INPP5F: variants seen among roughly 807,000 people sequenced by gnomAD.
The protein encoded by INPP5F is phosphatidylinositide 4-phosphatase SAC2.
INPP5F carries 97 observed loss-of-function variants against 137.2 expected under a neutral mutation model. The observed-to-expected ratio is 0.71, with a 90% CI of 0.60 to 0.84. The LOEUF (loss-of-function observed/expected upper bound fraction) is 0.84. Among genes scored for constraint, INPP5F ranks in the 40% least tolerant of loss-of-function variants. INPP5F has a pLI of 0.00. For missense variants in INPP5F, 1,271 were observed against 1,371.9 expected, an observed-to-expected ratio of 0.93 and a Z score of 1.16; for synonymous variants, 504 against 476.9, an observed-to-expected ratio of 1.06 and a Z score of -0.74.
At chr10:119,750,007 G>A (rs1184273848) in intron 1 of INPP5F, among the ~76,000 whole-genome samples, 1 of 152,080 alleles carries the variant, frequency 6.6e-6, no homozygotes, top group Non-Finnish European at 1.5e-5. Context: ...GACCTCAGGC[G>A]ATCTACCCTC....
At chr10:119,776,660 C>G (rs1460787665) in intron 2 of INPP5F, among the ~76,000 whole-genome samples, 1 of 151,012 alleles carries the variant, frequency 6.6e-6, no homozygotes, top group Non-Finnish European at 1.5e-5. Flanking sequence ...AAGGGCCTTC[C>G]TCTGTGTGTG....
At chr10:119,796,942 A>G (rs771638410) in intron 7 of INPP5F, 29 bp downstream of exon 7, 47 of 1,577,928 alleles carry the variant, frequency 3.0e-5, no homozygotes, top group Non-Finnish European at 3.7e-5. Flanking sequence ...TAGCATTCAA[A>G]TCAAATCCAG....
intron 16 of INPP5F, among the ~76,000 whole-genome samples, chr10:119,821,765 C>T (rs1311854871): frequency 2.6e-5 from 4 of 151,620 alleles, no homozygotes; most frequent in Non-Finnish European, 5.9e-5. Context: ...TGTGTGTGCA[C>T]ACGCGCGCGC....
At chr10:119,805,836 C>T (rs1025471753) in intron 11 of INPP5F, among the ~76,000 whole-genome samples, 4 of 152,170 alleles carry the variant, frequency 2.6e-5, no homozygotes, top group African/African-American at 7.2e-5. Flanking sequence ...TTATCAGAGA[C>T]GGAAAATGAT....
intron 1 of INPP5F, among the ~76,000 whole-genome samples, chr10:119,743,264 C>G (rs1848429765): frequency 6.6e-6 from 1 of 152,070 alleles, no homozygotes; most frequent in African/African-American, 2.4e-5. Flanking sequence ...AACTTGCCTC[C>G]CCCCTTTCTA....
chr10:119,826,069 C>G (rs894251172), intron 19 of INPP5F: 9 of 398,076 alleles, frequency 2.3e-5, no homozygotes, highest in Non-Finnish European at 2.2e-5. Flanking sequence ...TGTCTCCCCC[C>G]ACTATCTGAA....
intron 1 of INPP5F, among the ~76,000 whole-genome samples, chr10:119,729,573 A>G (rs1425892001): frequency 7.9e-6 from 1 of 126,422 alleles, no homozygotes; most frequent in Non-Finnish European, 1.7e-5. Context: ...GCATTATCTC[A>G]TTATCTTTTT....
At chr10:119,728,009 A>G (rs145592717) in intron 1 of INPP5F, among the ~76,000 whole-genome samples, 2 of 152,336 alleles carry the variant, frequency 1.3e-5, no homozygotes, top group East Asian at 3.8e-4. Context: ...AAACTTTTCT[A>G]CACCCCAGTT....
intron 1 of INPP5F, 107 bp downstream of exon 1, chr10:119,726,466 G>A (rs1847893219): frequency 1.9e-6 from 1 of 517,930 alleles, no homozygotes; most frequent in Non-Finnish European, 2.8e-6. Context: ...CGGGCCTGGT[G>A]AGGCGGGGCG....
intron 2 of INPP5F, among the ~76,000 whole-genome samples, chr10:119,759,790 C>T (rs1236508536): frequency 6.6e-6 from 1 of 152,196 alleles, no homozygotes; most frequent in Non-Finnish European, 1.5e-5. Context: ...GAGAGGATTA[C>T]ATTCTCCGGT....
At chr10:119,743,705 C>G (rs1848443767) in intron 1 of INPP5F, among the ~76,000 whole-genome samples, 1 of 152,018 alleles carries the variant, frequency 6.6e-6, no homozygotes, top group Non-Finnish European at 1.5e-5. Context: ...TCTCACAAGC[C>G]TTTCCAAGGA....
chr10:119,793,899 C>G lies in INPP5F; in HGVS notation c.669+1686C>G, dbSNP rs140829911. ...GCCTCAAGTGAATAGCCCACCTCAG[C>G]CTCCTAAAGTGCTGGGATTACAGGC... On this transcript the variant is annotated intron_variant, in intron 6 of 19. Coordinates refer to ENST00000650623, the MANE Select transcript of INPP5F (RefSeq NM_014937.4). Among the ~76,000 whole-genome samples, 383 of 152,338 alleles carry G rather than the reference C, an allele frequency of 2.5e-3. 1 individual carries two copies. Among genetic ancestry groups the G allele is most frequent in the African/African-American group, 8.8e-3 (365 of 41,572 alleles).
At chr10:119,751,029 A>G (rs1202033300) in intron 1 of INPP5F, 47 bp from the exon 2 acceptor site, 1 of 1,184,188 alleles carries the variant, frequency 8.4e-7, no homozygotes, top group Non-Finnish European at 1.3e-6. Flanking sequence ...GTTTTAATAT[A>G]TTTTCTGGTG....
intron 1 of INPP5F, among the ~76,000 whole-genome samples, chr10:119,742,864 G>T (rs1034257231): frequency 4.6e-5 from 7 of 152,088 alleles, no homozygotes; most frequent in Non-Finnish European, 8.8e-5. Flanking sequence ...TGGTGGCACA[G>T]GCCTGTTATC....
intron 1 of INPP5F, among the ~76,000 whole-genome samples, chr10:119,750,117 G>T (rs556990167): frequency 6.6e-6 from 1 of 152,232 alleles, no homozygotes; most frequent in South Asian, 2.1e-4. Context: ...TCATAACAAA[G>T]ACATTCAAGA....
chr10:119,800,999 T>C (rs960747804), intron 9 of INPP5F, among the ~76,000 whole-genome samples: 1 of 144,046 alleles, frequency 6.9e-6, no homozygotes, highest in African/African-American at 2.6e-5. Flanking sequence ...GACAAGGACA[T>C]GGAGCAACTA....
In INPP5F at chr10:119,771,845, G is replaced by GAGATATATATAT. The variant is rs1445944351; in HGVS notation, c.179-9789_179-9788insGATATATATATA. On this transcript the variant is annotated intron_variant, in intron 2 of 19. Transcript: ENST00000650623. Reference sequence around the variant, plus strand: ...TCATCCATACTCCATAAAGTATGGAGATATATATATATATATATATATATA... The same window carrying GAGATATATATAT: ...TCATCCATACTCCATAAAGTATGGAGAGATATATATATATATATATATATATATATATATATA... Among the ~76,000 whole-genome samples, 9 of 32,796 alleles carry GAGATATATATAT rather than the reference G, an allele frequency of 2.7e-4. 1 individual carries two copies. The highest frequency in any genetic ancestry group is 2.7e-3 in the East Asian group (3 of 1,110). The allele number at this position is 32,796 out of a possible 152,430, so 21.5% of individuals were successfully genotyped here. A position where few individuals can be genotyped will look rare whatever the true frequency, so the allele number is the denominator to read the frequency against.
chr10:119,781,541 T>C, intron 2 of INPP5F, 94 bp from the exon 3 acceptor site: 9 of 1,111,282 alleles, frequency 8.1e-6, no homozygotes, highest in Non-Finnish European at 9.8e-6. Flanking sequence ...GCACACTTTT[T>C]TTTTTGTTAT....
intron 15 of INPP5F, chr10:119,818,607 C>T: frequency 6.6e-6 from 1 of 152,514 alleles, no homozygotes; most frequent in Non-Finnish European, 1.5e-5. Flanking sequence ...GTAGGATGCG[C>T]AGGATGGAGC....
Sources: allele counts gnomAD v4.1 joint callset (sites outside exome capture counted in the v4.1 genomes callset), GRCh38; gene constraint gnomAD v4.1.1; transcripts MANE v1.5; gene names NCBI Gene and HGNC (gene_info 2026-07-23, HGNC 2026-07-21).